The following PACSIN2 variants were observed in gnomAD, a reference collection of about 807,000 sequenced individuals.
The protein encoded by PACSIN2 is protein kinase C and casein kinase substrate in neurons protein 2.
A neutral mutation model predicts 63.8 loss-of-function variants in PACSIN2; 25 were observed. The ratio of observed to expected loss-of-function variants is 0.39; its 90% CI spans 0.29 to 0.55. The LOEUF (loss-of-function observed/expected upper bound fraction) is 0.55. PACSIN2 is among the 20% of genes least tolerant of loss of function. PACSIN2 has a pLI of 0.62. For synonymous variants in PACSIN2, 255 were observed against 256.2 expected (o/e 1.00, Z 0.05); for missense variants, 518 against 646.9 (o/e 0.80, Z 2.16).
chr22:42,935,789 G>C (rs1932898800), intron 1 of PACSIN2, among the ~76,000 whole-genome samples: 1 of 152,138 alleles, frequency 6.6e-6, no homozygotes, highest in Non-Finnish European at 1.5e-5. Flanking sequence ...GACAGCATGA[G>C]ACCTGGAGAG....
intron 1 of PACSIN2, among the ~76,000 whole-genome samples, chr22:42,982,141 G>A (rs926557309): frequency 9.5e-5 from 12 of 126,018 alleles, no homozygotes; most frequent in Admixed American, 6.7e-4. Flanking sequence ...ACAGCCCCCC[G>A]CCCGGCCAGC....
rs1928133022 is a variant in PACSIN2 at position 42,871,575 on chromosome 22, A to G, written c.1349-106T>C. ...GCCCACAGAGGGTGGAGGGCCAGGCATTCTGTGGCGGGCAGGCCGAGGGCC... is the reference window on the plus strand; with the variant it reads ...GCCCACAGAGGGTGGAGGGCCAGGCGTTCTGTGGCGGGCAGGCCGAGGGCC... On this transcript the variant is annotated intron_variant, in intron 10 of 10. Transcript: ENST00000263246. This position sits in a 1 kb window ranked among gnomAD's most constrained non-coding sequence, Gnocchi z 5.4. 1.1e-6 allele frequency: 1 copy of G among 879,438 alleles called. No homozygotes were observed. The highest frequency in any genetic ancestry group is 1.3e-5 in the South Asian group (1 of 74,340). 54.5% of individuals were successfully genotyped at this position (879,438 alleles called of 1,614,324 possible). A position where few individuals can be genotyped will look rare whatever the true frequency, so the allele number is the denominator to read the frequency against.
chr22:42,952,593 G>A (rs747834064), intron 1 of PACSIN2, among the ~76,000 whole-genome samples: 3 of 151,572 alleles, frequency 2.0e-5, no homozygotes, highest in Non-Finnish European at 2.9e-5. Context: ...TCCTGACCTC[G>A]TGATCCGCCC....
chr22:42,920,928 C>T (rs930460670), intron 1 of PACSIN2, among the ~76,000 whole-genome samples: 1 of 151,248 alleles, frequency 6.6e-6, no homozygotes, highest in Admixed American at 6.6e-5. Flanking sequence ...TCGGCCTCCC[C>T]AGTAGCTAGA....
chr22:42,933,757 C>T (rs17003423), intron 1 of PACSIN2, among the ~76,000 whole-genome samples: 3,871 of 152,314 alleles, frequency 0.025, 161 homozygotes, highest in African/African-American at 0.089. Context: ...GGCAGAACAA[C>T]GGACTTTTCC....
Position 42,893,512 on chromosome 22 carries a change from C to T in PACSIN2, c.162G>A (p.Ala54=), listed in dbSNP as rs201219931. The part of the protein sequence containing the change: ...CLHERARIEK[A]YAQQLTEWAR... ...CCCACTCAGTGAGCTGCTGCGCATA[C>T]GCCTTCTCGATGCGCGCCCGCTCAT... Residue 54 remains alanine (A), a synonymous_variant, in exon 3 of 11, where the codon GCG becomes GCA. Transcript: ENST00000263246. 4.0e-5 allele frequency: 64 copies of T among 1,614,098 alleles called. No homozygotes were observed. The highest frequency in any genetic ancestry group is 1.3e-4 in the East Asian group (6 of 44,884).
chr22:42,980,497 C>T (rs1031028981), intron 1 of PACSIN2, among the ~76,000 whole-genome samples: 7 of 136,692 alleles, frequency 5.1e-5, no homozygotes, highest in Admixed American at 7.3e-5. Flanking sequence ...CCTCCCCCTC[C>T]CCCTCTCCCT....
chr22:43,008,107 C>G (rs145715435), intron 1 of PACSIN2, among the ~76,000 whole-genome samples: 5 of 152,380 alleles, frequency 3.3e-5, no homozygotes, highest in African/African-American at 1.2e-4. Flanking sequence ...GCAGTACTAT[C>G]AGCTTCCATG....
chr22:42,887,422 C>T (rs1929573171), intron 5 of PACSIN2, among the ~76,000 whole-genome samples: 1 of 152,202 alleles, frequency 6.6e-6, no homozygotes, highest in Admixed American at 6.5e-5. Context: ...AACAGGGATG[C>T]CACCACCTAA....
rs554505688 is a variant in PACSIN2 at position 42,871,329 on chromosome 22, G to A, written c.*28C>T. 9.6e-6 allele frequency: 13 copies of A among 1,360,820 alleles called. No homozygotes were observed. Among genetic ancestry groups the A allele is most frequent in the East Asian group, 6.8e-5 (3 of 43,978 alleles). The allele number at this position is 1,360,820 out of a possible 1,614,324, so 84.3% of individuals were successfully genotyped here. A position where few individuals can be genotyped will look rare whatever the true frequency, so the allele number is the denominator to read the frequency against. ...TGAGGCTCCTGGGCCCGCCGCCTCC[G>A]TCCCCCCGCTGGCCTGTCCCCGACT... On this transcript the variant is annotated 3_prime_UTR_variant, in exon 11 of 11. Transcript: ENST00000263246. This position sits in a 1 kb window ranked among gnomAD's most constrained non-coding sequence, Gnocchi z 5.4.
At chr22:42,956,226 T>A (rs936360853) in intron 1 of PACSIN2, among the ~76,000 whole-genome samples, 20 of 152,218 alleles carry the variant, frequency 1.3e-4, no homozygotes, top group African/African-American at 4.6e-4. Flanking sequence ...TCAAATTAAT[T>A]CTAACTTCCT....
chr22:42,881,832 T>A (rs1480919726), intron 7 of PACSIN2, among the ~76,000 whole-genome samples: 1 of 152,016 alleles, frequency 6.6e-6, no homozygotes, highest in Non-Finnish European at 1.5e-5. Flanking sequence ...GCTCCCTTCC[T>A]GGCCATCCCA....
intron 4 of PACSIN2, 74 bp downstream of exon 4, chr22:42,890,873 T>G (rs1602191771): frequency 3.3e-6 from 4 of 1,205,012 alleles, no homozygotes; most frequent in East Asian, 2.5e-5. Context: ...AAGTCCTAGG[T>G]GCAGGAGGTG....
At chr22:42,954,897 C>A (rs1047727570) in intron 1 of PACSIN2, among the ~76,000 whole-genome samples, 2 of 138,604 alleles carry the variant, frequency 1.4e-5, no homozygotes, top group African/African-American at 3.5e-5. Context: ...TGGTTTGGAT[C>A]TGATAAATAT....
intron 1 of PACSIN2, among the ~76,000 whole-genome samples, chr22:42,983,489 C>CAA (rs775403003): frequency 0.041 from 3,379 of 81,796 alleles, 234 homozygotes; most frequent in African/African-American, 0.062. Flanking sequence ...GACTCCATCT[C>CAA]AAAAAAAAAA....
chr22:42,889,756 G>T (rs928047785), intron 4 of PACSIN2, among the ~76,000 whole-genome samples: 4 of 152,096 alleles, frequency 2.6e-5, no homozygotes, highest in African/African-American at 7.2e-5. Context: ...TGAGGGCTGG[G>T]GTGGACAGAT....
chr22:42,948,963 A>G (rs1222486741), intron 1 of PACSIN2, among the ~76,000 whole-genome samples: 1 of 152,220 alleles, frequency 6.6e-6, no homozygotes, highest in Non-Finnish European at 1.5e-5. Flanking sequence ...ATAGGCTTAA[A>G]TCAAGCATAA....
chr22:42,893,437 C>T lies in PACSIN2; in HGVS notation c.217+20G>A. On this transcript the variant is annotated intron_variant, in intron 3 of 10. Coordinates refer to ENST00000263246, the MANE Select transcript of PACSIN2 (RefSeq NM_001184970.3). ...GTGTAGCTGCCTCCAGGCCACAGGA[C>T]CTGTGCCGGGGCCCCATACCTTTCT... The T allele has an allele frequency of 6.2e-7, 1 of 1,608,464 alleles. No homozygotes were observed. Among genetic ancestry groups the T allele is most frequent in the Non-Finnish European group, 8.5e-7 (1 of 1,179,778 alleles).
intron 1 of PACSIN2, among the ~76,000 whole-genome samples, chr22:42,960,835 G>A (rs1336427032): frequency 6.6e-6 from 1 of 152,102 alleles, no homozygotes; most frequent in Non-Finnish European, 1.5e-5. Flanking sequence ...GTGCACTTTA[G>A]GTATGCATAT....
Sources: allele counts gnomAD v4.1 joint callset (sites outside exome capture counted in the v4.1 genomes callset), GRCh38; gene constraint gnomAD v4.1.1; non-coding constraint Gnocchi (gnomAD v3.1); transcripts MANE v1.5; gene names NCBI Gene and HGNC (gene_info 2026-07-23, HGNC 2026-07-21).